The following SSH2 variants were observed in gnomAD, a reference collection of about 807,000 sequenced individuals.
SSH2 encodes the protein slingshot protein phosphatase 2, also known as protein phosphatase Slingshot homolog 2.
SSH2 carries 37 observed loss-of-function variants against 135.2 expected under a neutral mutation model. The observed-to-expected ratio is 0.27, with a 90% confidence interval of 0.21 to 0.36. The LOEUF (loss-of-function observed/expected upper bound fraction) is 0.36, where lower values mean the gene tolerates loss of function less well. SSH2 is among the 10% of genes least tolerant of loss of function. The pLI is 1.00. For missense variants in SSH2, 1,408 were observed against 1,765.3 expected (o/e 0.80, Z 3.63); for synonymous variants, 628 against 646.2 (o/e 0.97, Z 0.43).
chr17:29,860,881 G>T (rs1017609464), intron 1 of SSH2, among the ~76,000 whole-genome samples: 4 of 151,756 alleles, frequency 2.6e-5, no homozygotes, highest in Admixed American at 2.6e-4. Flanking sequence ...AAGTAGCTGG[G>T]ATTACAAGCG....
chr17:29,751,819 T>G (rs1242207969), intron 3 of SSH2, among the ~76,000 whole-genome samples: 3 of 152,078 alleles, frequency 2.0e-5, no homozygotes, highest in African/African-American at 7.2e-5. Flanking sequence ...AGTAAAAACA[T>G]ATACTAGATA....
intron 3 of SSH2, chr17:29,761,006 C>T: frequency 1.2e-6 from 1 of 826,522 alleles, no homozygotes; most frequent in Non-Finnish European, 1.7e-6. Flanking sequence ...TCCTTCCCTC[C>T]AGACGCACGG....
intron 3 of SSH2, among the ~76,000 whole-genome samples, chr17:29,785,200 G>T (rs1395432140): frequency 6.6e-6 from 1 of 152,020 alleles, no homozygotes; most frequent in Non-Finnish European, 1.5e-5. Context: ...TATATGTATT[G>T]CTGGAATTGA....
intron 3 of SSH2, among the ~76,000 whole-genome samples, chr17:29,768,431 GCAGGCATGTAACAC>G (rs1357855032): frequency 6.6e-6 from 1 of 151,650 alleles, no homozygotes; most frequent in Non-Finnish European, 1.5e-5. Context: ...AGCTGGGACT[GCAGGCATGTAACAC>G]CACACCTGTC....
At chr17:29,747,031 G>A (rs1035264708) in intron 3 of SSH2, among the ~76,000 whole-genome samples, 1 of 152,168 alleles carries the variant, frequency 6.6e-6, no homozygotes, top group African/African-American at 2.4e-5. Flanking sequence ...TATGGATCAC[G>A]AATATCCATG....
At chr17:29,877,341 C>T (rs1019742577) in intron 1 of SSH2, among the ~76,000 whole-genome samples, 3 of 152,138 alleles carry the variant, frequency 2.0e-5, no homozygotes, top group Non-Finnish European at 2.9e-5. Context: ...AAAAATAGAG[C>T]TACCATATGA....
At chr17:29,784,241 T>A (rs941285089) in intron 3 of SSH2, among the ~76,000 whole-genome samples, 2 of 149,694 alleles carry the variant, frequency 1.3e-5, no homozygotes, top group African/African-American at 4.9e-5. Flanking sequence ...AAAAATAGGC[T>A]GGGCGTGGTG....
At chr17:29,828,325 A>G (rs1471766978) in intron 2 of SSH2, among the ~76,000 whole-genome samples, 1 of 152,216 alleles carries the variant, frequency 6.6e-6, no homozygotes, top group Admixed American at 6.5e-5. Context: ...ATTTAAATAC[A>G]AAGTAAAGAC....
At chr17:29,784,488 T>C (rs1402419503) in intron 3 of SSH2, among the ~76,000 whole-genome samples, 1 of 151,872 alleles carries the variant, frequency 6.6e-6, no homozygotes, top group Non-Finnish European at 1.5e-5. Flanking sequence ...TCCCAGCTTC[T>C]TGGGAGGCTG....
chr17:29,708,312 G>C (rs1309104425), intron 3 of SSH2, among the ~76,000 whole-genome samples: 1 of 152,050 alleles, frequency 6.6e-6, no homozygotes, highest in Non-Finnish European at 1.5e-5. Flanking sequence ...TTCTTGCTAG[G>C]CGTGGTGGCT....
At chr17:29,856,115 A>G in intron 1 of SSH2, 1 of 322,324 alleles carries the variant, frequency 3.1e-6, no homozygotes, top group Non-Finnish European at 6.0e-6. Flanking sequence ...TGGGTGAAAA[A>G]TACATCTGGA....
intron 3 of SSH2, among the ~76,000 whole-genome samples, chr17:29,708,600 A>C (rs1479970632): frequency 2.0e-5 from 3 of 151,628 alleles, no homozygotes; most frequent in Non-Finnish European, 2.9e-5. Context: ...AAAAAAAAAA[A>C]AAAAAAACAA....
intron 1 of SSH2, among the ~76,000 whole-genome samples, chr17:29,868,599 G>A (rs772923294): frequency 2.6e-5 from 4 of 152,178 alleles, no homozygotes; most frequent in Middle Eastern, 3.4e-3. Context: ...TTAGCTGGGC[G>A]TGGCAGCTTG....
intron 4 of SSH2, among the ~76,000 whole-genome samples, chr17:29,696,165 GTATA>G (rs752379702): frequency 1.2e-4 from 15 of 127,180 alleles, no homozygotes; most frequent in African/African-American, 4.1e-4. Context: ...ATGAGAGTAT[GTATA>G]TATATACACA....
At chr17:29,913,358 A>AAAAAAAAAAAAAT (rs1567650109) in intron 1 of SSH2, among the ~76,000 whole-genome samples, 2 of 80,268 alleles carry the variant, frequency 2.5e-5, no homozygotes, top group Non-Finnish European at 4.8e-5. Context: ...ATATATATAT[A>AAAAAAAAAAAAAT]TATATATATA....
chr17:29,696,644 CACACCTAT>C (rs1445800020), intron 4 of SSH2, among the ~76,000 whole-genome samples: 1 of 147,256 alleles, frequency 6.8e-6, no homozygotes, highest in African/African-American at 2.5e-5. Flanking sequence ...CACACACACA[CACACCTAT>C]GTATGTATAT....
intron 1 of SSH2, among the ~76,000 whole-genome samples, chr17:29,869,779 G>A (rs1026333007): frequency 1.3e-5 from 2 of 152,040 alleles, no homozygotes; most frequent in African/African-American, 4.8e-5. Context: ...TAAACCATAT[G>A]AAGTGCAGGA....
chr17:29,912,347 A>G (rs908825479), intron 1 of SSH2, among the ~76,000 whole-genome samples: 6 of 152,226 alleles, frequency 3.9e-5, no homozygotes, highest in African/African-American at 1.2e-4. Flanking sequence ...TTGTTAGATA[A>G]ACCATATTCC....
intron 1 of SSH2, among the ~76,000 whole-genome samples, chr17:29,854,391 G>A (rs1454030467): frequency 6.6e-6 from 1 of 151,778 alleles, no homozygotes; most frequent in Non-Finnish European, 1.5e-5. Flanking sequence ...GATAAGATAT[G>A]ACTTGGGGAA....
Sources: gnomAD v4.1 joint callset for allele counts (sites outside exome capture counted in the v4.1 genomes callset) on GRCh38, gnomAD v4.1.1 for gene constraint, MANE v1.5 for transcripts, NCBI Gene and HGNC (gene_info 2026-07-23, HGNC 2026-07-21) for gene names.